Variants in UNC5C observed in about 807,000 individuals in gnomAD.
UNC5C encodes netrin receptor UNC5C.
A neutral mutation model predicts 99.8 loss-of-function variants in UNC5C; 47 were observed. The observed-to-expected ratio is 0.47, with a 90% CI of 0.37 to 0.60. The LOEUF (loss-of-function observed/expected upper bound fraction) is 0.60. UNC5C is among the 20% of genes least tolerant of loss of function. UNC5C has a pLI of 0.00. For synonymous variants in UNC5C, 487 were observed against 452.2 expected (o/e 1.08, Z -0.98); for missense variants, 1,062 against 1,165.9 (o/e 0.91, Z 1.30).
rs551444638 is a variant in UNC5C at position 95,502,680 on chromosome 4, C to G, written c.124+46054G>C. Reference sequence around the variant, plus strand: ...AGGCTTGACACACACGTGGAAAGCACTCAGTACATGTCAGTTACCATTTTC... The same window carrying G: ...AGGCTTGACACACACGTGGAAAGCAGTCAGTACATGTCAGTTACCATTTTC... On this transcript the variant is annotated intron_variant, in intron 1 of 15. Coordinates refer to ENST00000453304, the MANE Select transcript of UNC5C (RefSeq NM_003728.4). 9.9e-5 allele frequency among the ~76,000 whole-genome samples: 15 copies of G among 152,160 alleles called. 1 individual carries two copies. The South Asian group carries it at 3.1e-3, about 32-fold the overall frequency.
At position 95,302,334 on chromosome 4, in the gene UNC5C, T is replaced by C. The variant is rs533203621; in HGVS notation, c.347-585A>G. On this transcript the variant is annotated intron_variant, in intron 2 of 15. Coordinates refer to ENST00000453304, the MANE Select transcript of UNC5C (RefSeq NM_003728.4). Reference sequence around the variant, plus strand: ...ATAATAGTTTGAAAGCCCAAAATGTTTCTCTGTAATTGTAATATACTAAAA... The same window carrying C: ...ATAATAGTTTGAAAGCCCAAAATGTCTCTCTGTAATTGTAATATACTAAAA... 3.3e-5 allele frequency among the ~76,000 whole-genome samples: 5 copies of C among 152,334 alleles called. No homozygotes were observed. The East Asian group carries it at 7.7e-4, about 23-fold the overall frequency.
Position 95,456,706 on chromosome 4 carries a change from A to G in UNC5C, c.124+92028T>C, listed in dbSNP as rs139195012. Among the ~76,000 whole-genome samples the G allele has an allele frequency of 4.6e-3, 699 of 152,302 alleles. 4 individuals are homozygous for G. Among genetic ancestry groups the G allele is most frequent in the South Asian group, 0.038 (184 of 4,832 alleles). On this transcript the variant is annotated intron_variant, in intron 1 of 15. Coordinates refer to ENST00000453304, the MANE Select transcript of UNC5C (RefSeq NM_003728.4). ...TTGAAGAAGGTGAAGTTATGTACCA[A>G]TGTGTAAAAATGAAAGTTTTTCTTT...
intron 6 of UNC5C, among the ~76,000 whole-genome samples, chr4:95,243,674 T>C (rs1011754669): frequency 2.0e-5 from 3 of 152,194 alleles, no homozygotes; most frequent in African/African-American, 7.2e-5. Flanking sequence ...TATGTAAATA[T>C]ATTGTGTATA....
chr4:95,335,771 A>G (rs746390944), intron 1 of UNC5C, 140 bp from the exon 2 acceptor site: 3 of 654,854 alleles, frequency 4.6e-6, no homozygotes, highest in Non-Finnish European at 5.2e-6. Context: ...GCTGTATGTT[A>G]GATCTATTGA....
intron 2 of UNC5C, among the ~76,000 whole-genome samples, chr4:95,315,996 T>G (rs1382292832): frequency 6.6e-6 from 1 of 152,182 alleles, no homozygotes; most frequent in Non-Finnish European, 1.5e-5. Context: ...TTGGTAACAC[T>G]TCTGTCAGAT....
At chr4:95,433,978 C>A (rs544471492) in intron 1 of UNC5C, among the ~76,000 whole-genome samples, 294 of 152,222 alleles carry the variant, frequency 1.9e-3, no homozygotes, top group African/African-American at 6.6e-3. Context: ...TTAAATATCA[C>A]TTCCTTAAAA....
chr4:95,373,443 T>C (rs987572103), intron 1 of UNC5C, among the ~76,000 whole-genome samples: 5 of 152,130 alleles, frequency 3.3e-5, no homozygotes, highest in African/African-American at 1.2e-4. Context: ...CCAGGAGCAC[T>C]CTCTACTGTT....
intron 1 of UNC5C, among the ~76,000 whole-genome samples, chr4:95,445,334 C>CTTTTTTTTTTTTT (rs11458322): frequency 6.7e-6 from 1 of 149,786 alleles, no homozygotes. Context: ...AGAAATGAAT[C>CTTTTTTTTTTTTT]TTTTTTTTTT....
chr4:95,171,390 C>G (rs1478005812), intron 14 of UNC5C, among the ~76,000 whole-genome samples: 1 of 145,464 alleles, frequency 6.9e-6, no homozygotes, highest in Non-Finnish European at 1.5e-5. Context: ...CCCCTCCCAC[C>G]TCCCCCTACC....
chr4:95,194,366 A>C lies in UNC5C; in HGVS notation c.2136+8365T>G, dbSNP rs115133692. 7.5e-3 allele frequency among the ~76,000 whole-genome samples: 1,137 copies of C among 152,296 alleles called. 16 individuals carry two copies. The highest frequency in any genetic ancestry group is 0.025 in the African/African-American group (1,034 of 41,552). Reference sequence around the variant, plus strand: ...TTAGTTTTCTACTGTTGCCATAAGAAATCACCACTAACATAGTGACTTAAA... The same window carrying C: ...TTAGTTTTCTACTGTTGCCATAAGACATCACCACTAACATAGTGACTTAAA... On this transcript the variant is annotated intron_variant, in intron 12 of 15. Coordinates refer to ENST00000453304, the MANE Select transcript of UNC5C (RefSeq NM_003728.4).
At position 95,416,050 on chromosome 4, in the gene UNC5C, C is replaced by A. The variant is rs376638377; in HGVS notation, c.125-80419G>T. Among the ~76,000 whole-genome samples, 9 of 151,892 alleles carry A rather than the reference C, an allele frequency of 5.9e-5. No individual in the cohort carries two copies. The East Asian group carries it at 1.2e-3, about 20-fold the overall frequency. ...GTTAAGATAAAATTGAAAAAATAAG[C>A]AAGGGAAGGGAGTCTTTGGAATACA... On this transcript the variant is annotated intron_variant, in intron 1 of 15. Coordinates refer to ENST00000453304, the MANE Select transcript of UNC5C (RefSeq NM_003728.4).
At chr4:95,202,369 A>G (rs184802229) in intron 12 of UNC5C, among the ~76,000 whole-genome samples, 94 of 152,358 alleles carry the variant, frequency 6.2e-4, no homozygotes, top group Admixed American at 1.8e-3. Context: ...AGCACACCAG[A>G]GGAACATACA....
intron 1 of UNC5C, among the ~76,000 whole-genome samples, chr4:95,527,044 T>C (rs1283363101): frequency 6.6e-6 from 1 of 152,066 alleles, no homozygotes; most frequent in African/African-American, 2.4e-5. Flanking sequence ...AGTGACAATA[T>C]TTTAAAAATC....
At chr4:95,379,860 A>T (rs1745014866) in intron 1 of UNC5C, among the ~76,000 whole-genome samples, 1 of 152,140 alleles carries the variant, frequency 6.6e-6, no homozygotes, top group Non-Finnish European at 1.5e-5. Context: ...GCGCTGCCTC[A>T]GGCTTTCGTT....
chr4:95,497,227 T>A (rs1721654548), intron 1 of UNC5C, among the ~76,000 whole-genome samples: 1 of 151,982 alleles, frequency 6.6e-6, no homozygotes. Context: ...AGTTCTACTT[T>A]AAGTTCTTTA....
At chr4:95,483,413 G>A (rs938408694) in intron 1 of UNC5C, among the ~76,000 whole-genome samples, 10 of 151,490 alleles carry the variant, frequency 6.6e-5, no homozygotes, top group African/African-American at 9.7e-5. Context: ...ATATAATAAC[G>A]TGTATATATT....
At chr4:95,203,267 A>G (rs1028320329) in intron 11 of UNC5C, among the ~76,000 whole-genome samples, 5 of 152,174 alleles carry the variant, frequency 3.3e-5, no homozygotes, top group South Asian at 2.1e-4. Context: ...GGGCAATAAT[A>G]TATTAATATG....
chr4:95,221,312 A>T (rs1579243050), intron 7 of UNC5C, among the ~76,000 whole-genome samples: 1 of 152,330 alleles, frequency 6.6e-6, no homozygotes, highest in Non-Finnish European at 1.5e-5. Context: ...CTAGAATTTT[A>T]TGGTCAATTT....
At chr4:95,329,510 AT>A (rs1472378975) in intron 2 of UNC5C, among the ~76,000 whole-genome samples, 1 of 152,188 alleles carries the variant, frequency 6.6e-6, no homozygotes. Context: ...TTAAACACCC[AT>A]CAAGAAATTA....
Sources: allele counts gnomAD v4.1 joint callset (sites outside exome capture counted in the v4.1 genomes callset), GRCh38; gene constraint gnomAD v4.1.1; transcripts MANE v1.5; gene names NCBI Gene and HGNC (gene_info 2026-07-23, HGNC 2026-07-21).